OSBPL6: variants seen among roughly 807,000 people sequenced by gnomAD.
OSBPL6 encodes the protein oxysterol-binding protein-related protein 6.
In OSBPL6, 49 loss-of-function variants were observed where a neutral mutation model predicts 125.8. The ratio of observed to expected loss-of-function variants is 0.39; its 90% CI spans 0.31 to 0.49. OSBPL6 has a LOEUF of 0.49. Among genes scored for constraint, OSBPL6 ranks in the 20% least tolerant of loss-of-function variants. OSBPL6 has a pLI of 0.88. For synonymous variants in OSBPL6, 394 were observed against 391.8 expected (o/e 1.01, Z -0.07); for missense variants, 986 against 1,135.4 (o/e 0.87, Z 1.89).
intron 1 of OSBPL6, among the ~76,000 whole-genome samples, chr2:178,195,788 CTA>C (rs2088850081): frequency 6.8e-6 from 1 of 147,582 alleles, no homozygotes; most frequent in Admixed American, 6.9e-5. Flanking sequence ...AGCCAATTGT[CTA>C]TTATATTCAG....
At chr2:178,347,187 T>C (rs1048301231) in intron 11 of OSBPL6, among the ~76,000 whole-genome samples, 5 of 152,158 alleles carry the variant, frequency 3.3e-5, no homozygotes, top group Admixed American at 3.3e-4. Flanking sequence ...TGGCCTCCTA[T>C]ACAAGCTTCC....
chr2:178,303,944 C>A (rs7566971), intron 2 of OSBPL6, among the ~76,000 whole-genome samples: 1 of 152,142 alleles, frequency 6.6e-6, no homozygotes, highest in Non-Finnish European at 1.5e-5. Flanking sequence ...AATCTGGTTA[C>A]GTCTCGATGG....
intron 1 of OSBPL6, among the ~76,000 whole-genome samples, chr2:178,198,515 T>C (rs1331939486): frequency 6.6e-6 from 1 of 151,816 alleles, no homozygotes; most frequent in Non-Finnish European, 1.5e-5. Flanking sequence ...CAGGCTGGTC[T>C]TGAACTCCTG....
chr2:178,314,126 A>G (rs574352858), intron 3 of OSBPL6, among the ~76,000 whole-genome samples: 3 of 152,264 alleles, frequency 2.0e-5, no homozygotes, highest in East Asian at 1.9e-4. Flanking sequence ...GTTGAATGAA[A>G]TAACTAAATC....
In OSBPL6 at chr2:178,395,688, C is replaced by G; in HGVS notation, c.*129C>G. 1 of 555,670 alleles carries G rather than the reference C, an allele frequency of 1.8e-6. No individual in the cohort carries two copies. Among genetic ancestry groups the G allele is most frequent in the Non-Finnish European group, 3.1e-6 (1 of 325,570 alleles). 34.4% of individuals were successfully genotyped at this position (555,670 alleles called of 1,614,324 possible). On this transcript the variant is annotated 3_prime_UTR_variant, in exon 25 of 25. Transcript: ENST00000190611. ...ACCTACCATTTGCTTTTCTATTCAT[C>G]TTTATAATGGACTTTCAGAAGTGCA...
At chr2:178,223,941 G>A (rs917950750) in intron 1 of OSBPL6, among the ~76,000 whole-genome samples, 5 of 152,168 alleles carry the variant, frequency 3.3e-5, no homozygotes, top group African/African-American at 7.2e-5. Flanking sequence ...ATCAGGCTGC[G>A]GAAAACACAC....
At chr2:178,303,802 C>T (rs1686505775) in intron 2 of OSBPL6, among the ~76,000 whole-genome samples, 1 of 152,130 alleles carries the variant, frequency 6.6e-6, no homozygotes, top group Non-Finnish European at 1.5e-5. Flanking sequence ...TCACAGGACA[C>T]AGGACTCAAT....
chr2:178,398,064 T>C lies in OSBPL6; in HGVS notation c.*2505T>C, dbSNP rs1392503007. On this transcript the variant is annotated 3_prime_UTR_variant, in exon 25 of 25. Transcript: ENST00000190611. The stretch of plus-strand genomic sequence containing the variant: ...CACTAATATCATATCTCCTGTGGAA[T>C]ATTCATTGGTGCGATGGCCTCATCC... 6.6e-6 allele frequency: 1 copy of C among 152,244 alleles called. No homozygotes were observed. The highest frequency in any genetic ancestry group is 1.5e-5 in the Non-Finnish European group (1 of 68,042). The allele number at this position is 152,244 out of a possible 1,614,324, so 9.4% of individuals were successfully genotyped here.
In OSBPL6 at chr2:178,306,173, C is replaced by G. The variant is rs753899408; in HGVS notation, c.-12C>G. 5 of 1,585,304 alleles carry G rather than the reference C, an allele frequency of 3.2e-6. No individual in the cohort carries two copies. The highest frequency in any genetic ancestry group is 2.2e-5 in the East Asian group (1 of 44,716). ...GGTCTTAAGTGCATAAAACGAGACT[C>G]TAACTGCAGCGATGAGTTCAGATGA... is the stretch of plus-strand genomic sequence containing the variant. On this transcript the variant is annotated 5_prime_UTR_variant, in exon 3 of 25. Coordinates refer to ENST00000190611, the MANE Select transcript of OSBPL6 (RefSeq NM_032523.4).
chr2:178,229,227 A>T (rs945332155), intron 1 of OSBPL6, among the ~76,000 whole-genome samples: 2 of 152,204 alleles, frequency 1.3e-5, no homozygotes, highest in African/African-American at 4.8e-5. Flanking sequence ...CCCACCTCCC[A>T]ATACTGCCAC....
At chr2:178,197,005 A>G (rs948268018) in intron 1 of OSBPL6, among the ~76,000 whole-genome samples, 9 of 148,664 alleles carry the variant, frequency 6.1e-5, no homozygotes, top group Non-Finnish European at 8.9e-5. Context: ...ATAACGCAGT[A>G]TGTTTCTCTT....
At chr2:178,270,674 T>C (rs997752302) in intron 1 of OSBPL6, among the ~76,000 whole-genome samples, 3 of 152,242 alleles carry the variant, frequency 2.0e-5, no homozygotes, top group Non-Finnish European at 2.9e-5. Context: ...TGAATGTTTT[T>C]AATCTTTTGG....
At chr2:178,266,999 G>A (rs2092251153) in intron 1 of OSBPL6, among the ~76,000 whole-genome samples, 1 of 152,168 alleles carries the variant, frequency 6.6e-6, no homozygotes, top group South Asian at 2.1e-4. Context: ...TGAGCAGCAT[G>A]GGGAGGAGAG....
At position 178,332,759 on chromosome 2, in the gene OSBPL6, A is replaced by G; in HGVS notation, c.486+5A>G. 2 of 1,613,662 alleles carry G rather than the reference A, an allele frequency of 1.2e-6. No individual in the cohort carries two copies. The highest frequency in any genetic ancestry group is 1.7e-6 in the Non-Finnish European group (2 of 1,179,596). Reference sequence around the variant, plus strand: ...GAGCACATCTATCATTTGAAGGTGAAATCAGTTTTCAACAGTTTCTCTGCC... The same window carrying G: ...GAGCACATCTATCATTTGAAGGTGAGATCAGTTTTCAACAGTTTCTCTGCC... On this transcript the variant is annotated splice_donor_5th_base_variant and intron_variant, in intron 7 of 24. Transcript: ENST00000190611.
chr2:178,383,627 C>G (rs1301889570), intron 17 of OSBPL6, among the ~76,000 whole-genome samples: 3 of 152,304 alleles, frequency 2.0e-5, no homozygotes, highest in Admixed American at 1.3e-4. Flanking sequence ...AAAATAACTT[C>G]TGTTTATACT....
chr2:178,344,188 C>A, intron 11 of OSBPL6: 2 of 1,060,094 alleles, frequency 1.9e-6, no homozygotes, highest in Non-Finnish European at 2.9e-6. Flanking sequence ...CAGTTAAAAA[C>A]TCTCCCTCTC....
rs1421551481 is a variant in OSBPL6 at position 178,398,278 on chromosome 2, T to A, written c.*2719T>A. 2 of 152,224 alleles carry A rather than the reference T, an allele frequency of 1.3e-5. No individual in the cohort carries two copies. Among genetic ancestry groups the A allele is most frequent in the Admixed American group, 1.3e-4 (2 of 15,282 alleles). 9.4% of individuals were successfully genotyped at this position (152,224 alleles called of 1,614,324 possible). On this transcript the variant is annotated 3_prime_UTR_variant, in exon 25 of 25. Coordinates refer to ENST00000190611, the MANE Select transcript of OSBPL6 (RefSeq NM_032523.4). The stretch of plus-strand genomic sequence containing the variant: ...AAACCTTTTTATTTCAGGCCTACTT[T>A]CTTGTTTTTTCCTAAAAGGATCTAG...
At chr2:178,214,303 T>A (rs896964453) in intron 1 of OSBPL6, among the ~76,000 whole-genome samples, 1 of 152,224 alleles carries the variant, frequency 6.6e-6, no homozygotes, top group Non-Finnish European at 1.5e-5. Flanking sequence ...TATATAGATT[T>A]TGCTAACTGT....
intron 11 of OSBPL6, among the ~76,000 whole-genome samples, chr2:178,340,631 C>T (rs1559266824): frequency 6.6e-6 from 1 of 151,974 alleles, no homozygotes; most frequent in Non-Finnish European, 1.5e-5. Flanking sequence ...GGCCCTTATC[C>T]TGCACAATCA....
Sources: allele counts gnomAD v4.1 joint callset (sites outside exome capture counted in the v4.1 genomes callset), GRCh38; gene constraint gnomAD v4.1.1; transcripts MANE v1.5; gene names NCBI Gene and HGNC (gene_info 2026-07-23, HGNC 2026-07-21).